The following SV2C variants were observed in gnomAD, a reference collection of about 807,000 sequenced individuals.
The protein encoded by SV2C is synaptic vesicle glycoprotein 2C, also known as solute carrier family 22 member B3.
A neutral mutation model predicts 79.7 loss-of-function variants in SV2C; 49 were observed. The ratio of observed to expected loss-of-function variants is 0.61; its 90% CI spans 0.49 to 0.78. SV2C has a LOEUF of 0.78. Ranked by LOEUF, SV2C falls within the 30% of genes least tolerant of loss-of-function variation. SV2C has a pLI of 0.00. For missense variants in SV2C, 833 were observed against 912.9 expected (o/e 0.91, Z 1.13); for synonymous variants, 334 against 333.2 (o/e 1.00, Z -0.03).
intron 1 of SV2C, among the ~76,000 whole-genome samples, chr5:76,112,358 A>C (rs1272493167): frequency 2.0e-5 from 3 of 152,192 alleles, no homozygotes; most frequent in African/African-American, 7.2e-5. Context: ...GCCAGCCTCT[A>C]TTCTCTGGGG....
the SV2C span, among the ~76,000 whole-genome samples, chr5:75,849,065 T>G: frequency 1.3e-5 from 2 of 152,092 alleles, no homozygotes; most frequent in South Asian, 4.1e-4. Flanking sequence ...CCCTTCTATC[T>G]CCCCGTATGC....
chr5:75,985,896 A>G, the SV2C span, among the ~76,000 whole-genome samples: 3 of 151,636 alleles, frequency 2.0e-5, no homozygotes, highest in Non-Finnish European at 4.4e-5. Flanking sequence ...AGTTTTGGAA[A>G]CACCTTTTCA....
chr5:75,902,416 A>G, the SV2C span, among the ~76,000 whole-genome samples: 5 of 152,160 alleles, frequency 3.3e-5, no homozygotes, highest in East Asian at 5.8e-4. Flanking sequence ...TGGGCAAGCA[A>G]TTTCTCCATC....
the SV2C span, among the ~76,000 whole-genome samples, chr5:76,029,184 ATAAC>A: frequency 6.6e-6 from 1 of 152,240 alleles, no homozygotes; most frequent in South Asian, 2.1e-4. Flanking sequence ...TTGACTAAAT[ATAAC>A]TAACTAACAT....
At chr5:76,214,591 C>T (rs1376293453) in intron 4 of SV2C, among the ~76,000 whole-genome samples, 1 of 152,192 alleles carries the variant, frequency 6.6e-6, no homozygotes, top group Non-Finnish European at 1.5e-5. Context: ...ATAGGGATTA[C>T]ATTGACTCTG....
At chr5:76,341,096 A>G (rs543141873) in intron 12 of SV2C, among the ~76,000 whole-genome samples, 2 of 151,948 alleles carry the variant, frequency 1.3e-5, no homozygotes, top group African/African-American at 2.4e-5. Flanking sequence ...ATGCCTAGCT[A>G]ATTTTTATAT....
At chr5:75,918,158 A>G in the SV2C span, among the ~76,000 whole-genome samples, 46 of 152,324 alleles carry the variant, frequency 3.0e-4, no homozygotes, top group African/African-American at 1.1e-3. Flanking sequence ...ATAATATGTT[A>G]AGTAGCTTGT....
chr5:75,876,067 G>A, the SV2C span, among the ~76,000 whole-genome samples: 2 of 152,224 alleles, frequency 1.3e-5, no homozygotes, highest in Non-Finnish European at 1.5e-5. Flanking sequence ...TGCAATTACT[G>A]GGTATAGACC....
rs145647601 is a variant in SV2C, at chr5:76,159,470, A to G, written c.580+27140A>G. Among the ~76,000 whole-genome samples, 180 of 152,218 alleles carry G rather than the reference A, an allele frequency of 1.2e-3. 2 individuals carry two copies. The highest frequency in any genetic ancestry group is 4.2e-3 in the African/African-American group (173 of 41,566). Reference sequence around the variant, plus strand: ...GGGCTGCCATAACAAAGTACCAAAAACTGGGTAACTTAAAACAACAGAAAT... The same window carrying G: ...GGGCTGCCATAACAAAGTACCAAAAGCTGGGTAACTTAAAACAACAGAAAT... On this transcript the variant is annotated intron_variant, in intron 2 of 12. Coordinates refer to ENST00000502798, the MANE Select transcript of SV2C (RefSeq NM_014979.4).
chr5:76,315,034 G>A (rs1748570972), intron 12 of SV2C, among the ~76,000 whole-genome samples: 1 of 152,156 alleles, frequency 6.6e-6, no homozygotes, highest in African/African-American at 2.4e-5. Context: ...TTATGGTGGT[G>A]GAGATGGGAG....
chr5:76,001,953 C>A, the SV2C span, among the ~76,000 whole-genome samples: 106 of 152,064 alleles, frequency 7.0e-4, 1 homozygote, highest in African/African-American at 2.5e-3. Context: ...CATCCCCCTC[C>A]CACCATTCCC....
chr5:76,254,168 G>A (rs1034095060), intron 4 of SV2C, among the ~76,000 whole-genome samples: 1 of 148,540 alleles, frequency 6.7e-6, no homozygotes, highest in Non-Finnish European at 1.5e-5. Context: ...ATATGTGTGT[G>A]TGTGTATATA....
intron 2 of SV2C, among the ~76,000 whole-genome samples, chr5:76,143,569 G>T (rs1326734956): frequency 6.6e-6 from 1 of 152,150 alleles, no homozygotes; most frequent in African/African-American, 2.4e-5. Context: ...TCCAGACAAG[G>T]CCTCTCAAAT....
chr5:76,017,611 T>G, the SV2C span, among the ~76,000 whole-genome samples: 1 of 152,142 alleles, frequency 6.6e-6, no homozygotes, highest in African/African-American at 2.4e-5. Context: ...ATTTTAGCAT[T>G]TCCTCATTAA....
chr5:76,113,854 G>T (rs1748170627), intron 1 of SV2C, among the ~76,000 whole-genome samples: 1 of 152,116 alleles, frequency 6.6e-6, no homozygotes, highest in African/African-American at 2.4e-5. Context: ...CCCATTCTCA[G>T]TGGCTACCTA....
the SV2C span, among the ~76,000 whole-genome samples, chr5:76,019,888 G>A: frequency 7.2e-5 from 11 of 152,174 alleles, no homozygotes; most frequent in East Asian, 1.7e-3. Flanking sequence ...ATTCTTTGAC[G>A]GATACGAGTA....
rs190264953 is a variant in SV2C, at chr5:76,261,687, A to G, written c.914-23475A>G. ...AATTTTATCAAAGGCCTTTTCTGCA[A>G]CTATTGAGATAATCATGTGGTTTTT... On this transcript the variant is annotated intron_variant, in intron 4 of 12. Transcript: ENST00000502798. 2.8e-3 allele frequency among the ~76,000 whole-genome samples: 431 copies of G among 152,254 alleles called. 1 individual carries two copies. Among genetic ancestry groups the G allele is most frequent in the African/African-American group, 1.0e-2 (415 of 41,558 alleles).
chr5:75,935,305 G>C, the SV2C span, among the ~76,000 whole-genome samples: 1 of 152,014 alleles, frequency 6.6e-6, no homozygotes, highest in Non-Finnish European at 1.5e-5. Context: ...TCTAGTATTT[G>C]GGGTTGGTTA....
intron 2 of SV2C, among the ~76,000 whole-genome samples, chr5:76,169,779 G>A (rs986052080): frequency 1.3e-5 from 2 of 152,156 alleles, no homozygotes; most frequent in African/African-American, 2.4e-5. Context: ...GGCAGCCCTC[G>A]AGGAATTAGC....
Sources: allele counts gnomAD v4.1 joint callset (sites outside exome capture counted in the v4.1 genomes callset), GRCh38; gene constraint gnomAD v4.1.1; transcripts MANE v1.5; gene names NCBI Gene and HGNC (gene_info 2026-07-23, HGNC 2026-07-21).